RAD51B: variants seen among roughly 807,000 people sequenced by gnomAD.
RAD51B encodes DNA repair protein RAD51 homolog 2.
In RAD51B, 38 loss-of-function variants were observed where a neutral mutation model predicts 42.2. That is an observed-to-expected ratio of 0.90 (90% CI 0.70 to 1.18). The LOEUF (loss-of-function observed/expected upper bound fraction) is 1.18, where lower values mean the gene tolerates loss of function less well. Among genes scored for constraint, RAD51B ranks in the 50% most tolerant of loss-of-function variants. The pLI, the probability that RAD51B is intolerant of heterozygous loss-of-function variation, is 0.00. For missense variants in RAD51B, 373 were observed against 400.7 expected, an observed-to-expected ratio of 0.93 and a Z score of 0.59; for synonymous variants, 154 against 145.2, an observed-to-expected ratio of 1.06 and a Z score of -0.43.
Position 68,061,072 on chromosome 14 carries a change from T to TTTTTC in RAD51B, c.756+173878_756+173882dup, listed in dbSNP as rs1432519096. Reference sequence around the variant, plus strand: ...TGAGGTCTTTTTTTTTTTTTTTTTTTTTTTCTTTTCTTTTGAGACACAGTC... The same window carrying TTTTTC: ...TGAGGTCTTTTTTTTTTTTTTTTTTTTTTTCTTTTCTTTTCTTTTGAGACACAGTC... On this transcript the variant is annotated intron_variant, in intron 7 of 10. Coordinates refer to ENST00000471583, the MANE Select transcript of RAD51B (RefSeq NM_133510.4). Among the ~76,000 whole-genome samples the TTTTTC allele has an allele frequency of 2.7e-5, 4 of 147,552 alleles. No individual in the cohort carries two copies. The East Asian group carries it at 7.8e-4, about 29-fold the overall frequency.
At chr14:68,294,476 C>T (rs576404656) in intron 8 of RAD51B, among the ~76,000 whole-genome samples, 5 of 152,332 alleles carry the variant, frequency 3.3e-5, no homozygotes, top group African/African-American at 4.8e-5. Flanking sequence ...GACATGCACA[C>T]GCATGTATAA....
At chr14:68,547,449 G>C (rs1888295088) in intron 10 of RAD51B, among the ~76,000 whole-genome samples, 2 of 152,178 alleles carry the variant, frequency 1.3e-5, no homozygotes, top group Non-Finnish European at 2.9e-5. Flanking sequence ...TAAAGAGAAG[G>C]CCAGTCCACA....
intron 7 of RAD51B, among the ~76,000 whole-genome samples, chr14:68,185,631 C>A (rs2079142539): frequency 6.6e-6 from 1 of 151,534 alleles, no homozygotes; most frequent in African/African-American, 2.4e-5. Context: ...TTTTTGACAC[C>A]AGGGACCAGT....
At chr14:68,358,101 T>C (rs757035010) in intron 8 of RAD51B, among the ~76,000 whole-genome samples, 2 of 152,218 alleles carry the variant, frequency 1.3e-5, no homozygotes, top group Non-Finnish European at 2.9e-5. Context: ...TTTGCTGTCT[T>C]ACAGAGGTGT....
chr14:68,672,433 A>G (rs74060016), intron 11 of RAD51B, among the ~76,000 whole-genome samples: 3,153 of 152,262 alleles, frequency 0.021, 111 homozygotes, highest in African/African-American at 0.072. Flanking sequence ...GAGAACTCCA[A>G]TGGTAAAGGA....
chr14:68,076,480 A>G (rs2094224054), intron 7 of RAD51B, among the ~76,000 whole-genome samples: 1 of 152,242 alleles, frequency 6.6e-6, no homozygotes, highest in Admixed American at 6.5e-5. Flanking sequence ...ATGGAAAGTA[A>G]AAGAAACTTA....
At chr14:68,441,085 A>G (rs1176951262) in intron 9 of RAD51B, among the ~76,000 whole-genome samples, 1 of 152,232 alleles carries the variant, frequency 6.6e-6, no homozygotes, top group Non-Finnish European at 1.5e-5. Flanking sequence ...GCAACAATGT[A>G]ACTACAGTTT....
At chr14:67,931,683 T>C (rs2140159107) in intron 7 of RAD51B, among the ~76,000 whole-genome samples, 1 of 152,128 alleles carries the variant, frequency 6.6e-6, no homozygotes, top group African/African-American at 2.4e-5. Flanking sequence ...TTTGTATTTT[T>C]AGTAGAGATG....
chr14:68,085,429 A>G (rs1012134868), intron 7 of RAD51B, among the ~76,000 whole-genome samples: 34 of 152,276 alleles, frequency 2.2e-4, no homozygotes, highest in African/African-American at 5.8e-4. Flanking sequence ...GGGACTGAAG[A>G]GAGGAGGGAC....
At chr14:68,523,257 G>A (rs182525054) in intron 10 of RAD51B, among the ~76,000 whole-genome samples, 49 of 152,322 alleles carry the variant, frequency 3.2e-4, no homozygotes, top group South Asian at 4.1e-4. Context: ...CCTGCCCTGG[G>A]ATGGGAAGCC....
In RAD51B at chr14:68,477,812, A is replaced by C. The variant is rs1882824500; in HGVS notation, c.*148A>C. Reference sequence around the variant, plus strand: ...GAGATGGTAACAGATTTGCTCCTAAACCATTGAGCTAGCGATTTCAGACCT... The same window carrying C: ...GAGATGGTAACAGATTTGCTCCTAACCCATTGAGCTAGCGATTTCAGACCT... On this transcript the variant is annotated 3_prime_UTR_variant, in exon 11 of 11. Transcript: ENST00000471583. 18 of 1,484,158 alleles carry C rather than the reference A, an allele frequency of 1.2e-5. No individual in the cohort carries two copies. In the South Asian group the frequency reaches 2.5e-4, roughly 21 times the overall value. The allele number at this position is 1,484,158 out of a possible 1,614,324, so 91.9% of individuals were successfully genotyped here. A position where few individuals can be genotyped will look rare whatever the true frequency, so the allele number is the denominator to read the frequency against.
intron 9 of RAD51B, among the ~76,000 whole-genome samples, chr14:68,430,120 T>C (rs1359212648): frequency 6.6e-6 from 1 of 152,234 alleles, no homozygotes; most frequent in Non-Finnish European, 1.5e-5. Flanking sequence ...TCTGTTTTGG[T>C]ACCAGTACCA....
intron 7 of RAD51B, among the ~76,000 whole-genome samples, chr14:68,152,966 T>G (rs149333936): frequency 6.6e-6 from 1 of 152,212 alleles, no homozygotes; most frequent in Non-Finnish European, 1.5e-5. Flanking sequence ...TATTCCATAG[T>G]GTATATATAT....
At position 68,072,049 on chromosome 14, in the gene RAD51B, A is replaced by T. The variant is rs866341547; in HGVS notation, c.756+184845A>T. On this transcript the variant is annotated intron_variant, in intron 7 of 10. Coordinates refer to ENST00000471583, the MANE Select transcript of RAD51B (RefSeq NM_133510.4). ...GGTTTTCTAGATTTTATATATATAT[A>T]TAATTATATATATTTATATAAATAT... Among the ~76,000 whole-genome samples, 814 of 120,680 alleles carry T rather than the reference A, an allele frequency of 6.7e-3. 14 individuals carry two copies. Among genetic ancestry groups the T allele is most frequent in the African/African-American group, 0.025 (615 of 24,720 alleles). The allele number at this position is 120,680 out of a possible 152,430, so 79.2% of individuals were successfully genotyped here.
intron 10 of RAD51B, among the ~76,000 whole-genome samples, chr14:68,602,422 A>AG (rs1270142843): frequency 1.3e-5 from 2 of 151,920 alleles, no homozygotes; most frequent in Non-Finnish European, 2.9e-5. Flanking sequence ...TCTATTACTC[A>AG]GGGCTCTCCA....
intron 8 of RAD51B, among the ~76,000 whole-genome samples, chr14:68,319,319 CATACTT>C (rs1429835898): frequency 6.6e-6 from 1 of 152,170 alleles, no homozygotes. Flanking sequence ...GGGACCTACT[CATACTT>C]CAAAATTATT....
intron 7 of RAD51B, chr14:68,000,238 A>G (rs1450503089): frequency 6.6e-6 from 1 of 152,094 alleles, no homozygotes. Context: ...CATTTCATTA[A>G]TATTAAACTC....
At chr14:68,568,855 G>A (rs1889553676) in intron 10 of RAD51B, among the ~76,000 whole-genome samples, 1 of 152,146 alleles carries the variant, frequency 6.6e-6, no homozygotes, top group Non-Finnish European at 1.5e-5. Flanking sequence ...TTGGATGCAA[G>A]AAGTCTGGTT....
At chr14:67,903,573 C>G (rs1446007943) in intron 7 of RAD51B, among the ~76,000 whole-genome samples, 1 of 152,090 alleles carries the variant, frequency 6.6e-6, no homozygotes, top group East Asian at 1.9e-4. Flanking sequence ...GTTGCCTACC[C>G]AAAACTTATT....
Sources: gnomAD v4.1 joint callset for allele counts (sites outside exome capture counted in the v4.1 genomes callset) on GRCh38, gnomAD v4.1.1 for gene constraint, MANE v1.5 for transcripts, NCBI Gene and HGNC (gene_info 2026-07-23, HGNC 2026-07-21) for gene names.